Variants in IQCM observed in about 807,000 individuals in gnomAD.
IQCM encodes the protein IQ motif containing M, also known as IQ domain-containing protein M.
A neutral mutation model predicts 57.6 loss-of-function variants in IQCM; 45 were observed. The observed-to-expected ratio is 0.78, with a 90% CI of 0.62 to 1.00. The LOEUF (loss-of-function observed/expected upper bound fraction) is 1.00, where lower values mean the gene tolerates loss of function less well. IQCM is among the 50% of genes least tolerant of loss of function. The pLI, the probability that IQCM is intolerant of heterozygous loss-of-function variation, is 0.00. For synonymous variants in IQCM, 148 were observed against 158.9 expected, an observed-to-expected ratio of 0.93 and a Z score of 0.51; for missense variants, 468 against 511.6, an observed-to-expected ratio of 0.91 and a Z score of 0.82.
At chr4:149,758,909 A>G (rs1769240437) in intron 2 of IQCM, among the ~76,000 whole-genome samples, 1 of 152,144 alleles carries the variant, frequency 6.6e-6, no homozygotes, top group Non-Finnish European at 1.5e-5. Context: ...TTACAAAACT[A>G]AACATGCTTT....
intron 3 of IQCM, among the ~76,000 whole-genome samples, chr4:149,739,467 ATTTT>A (rs5862894): frequency 0.011 from 1,368 of 125,040 alleles, 10 homozygotes; most frequent in African/African-American, 0.046. Flanking sequence ...TGTTTATATA[ATTTT>A]TTTTTTTTTT....
At position 149,682,182 on chromosome 4, in the gene IQCM, A is replaced by C. The variant is rs1405468623; in HGVS notation, c.501T>G (p.Tyr167Ter). 1 of 1,224,172 alleles carries C rather than the reference A, an allele frequency of 8.2e-7. No homozygotes were observed. Among genetic ancestry groups the C allele is most frequent in the East Asian group, 3.2e-5 (1 of 31,568 alleles). 75.8% of individuals were successfully genotyped at this position (1,224,172 alleles called of 1,614,324 possible). Residue 167 changes from tyrosine (Y) to a stop codon, truncating the protein, a stop_gained, in exon 7 of 14, where the codon TAT becomes TAG. Transcript: ENST00000636793. LOFTEE classifies it high-confidence loss of function. ...ESRNRMLELL[Y>*]PFPVHLYLQP... ...GTAAGTAAAGATGGACAGGAAAGGG[A>C]TAGAGTAATTCCAACATTCTGTTTC...
chr4:149,713,859 T>A (rs1764767640), intron 5 of IQCM, among the ~76,000 whole-genome samples: 1 of 152,104 alleles, frequency 6.6e-6, no homozygotes. Flanking sequence ...TCACTTGTGA[T>A]TTTCCCTCTC....
chr4:149,649,065 C>A (rs941235561), intron 7 of IQCM, among the ~76,000 whole-genome samples: 7 of 152,092 alleles, frequency 4.6e-5, no homozygotes, highest in Non-Finnish European at 8.8e-5. Context: ...CCAAGCTAGG[C>A]TATGCATACA....
intron 2 of IQCM, among the ~76,000 whole-genome samples, chr4:149,752,183 GA>G (rs61362904): frequency 0.01 from 1,514 of 145,818 alleles, 16 homozygotes; most frequent in African/African-American, 0.034. Flanking sequence ...CATCTTTCTA[GA>G]AAAAAAAAAA....
intron 5 of IQCM, among the ~76,000 whole-genome samples, chr4:149,718,819 C>G: frequency 6.6e-6 from 1 of 152,104 alleles, no homozygotes; most frequent in East Asian, 1.9e-4. Flanking sequence ...CTGTAATCTC[C>G]CTTTGCCTCT....
chr4:149,591,468 A>G (rs62338947), intron 8 of IQCM, among the ~76,000 whole-genome samples: 2 of 151,612 alleles, frequency 1.3e-5, no homozygotes, highest in Admixed American at 1.3e-4. Context: ...TTTTTTTTTA[A>G]TACTTTAAGT....
chr4:149,610,659 C>T (rs1006121771), intron 8 of IQCM, among the ~76,000 whole-genome samples: 1 of 151,900 alleles, frequency 6.6e-6, no homozygotes, highest in Non-Finnish European at 1.5e-5. Flanking sequence ...GAAAACTGAA[C>T]ATCCATAGGC....
intron 5 of IQCM, among the ~76,000 whole-genome samples, chr4:149,723,983 G>A (rs911075103): frequency 4.6e-5 from 7 of 151,338 alleles, no homozygotes; most frequent in Non-Finnish European, 7.4e-5. Flanking sequence ...CTTGTTACTG[G>A]TCTGTTCAGG....
intron 13 of IQCM, among the ~76,000 whole-genome samples, chr4:149,373,094 G>T (rs1407779834): frequency 1.3e-5 from 2 of 152,136 alleles, no homozygotes; most frequent in African/African-American, 2.4e-5. Context: ...TATTGTGAAA[G>T]CAAATGAAGT....
At chr4:149,518,217 T>C (rs1310810536) in intron 12 of IQCM, among the ~76,000 whole-genome samples, 3 of 152,130 alleles carry the variant, frequency 2.0e-5, no homozygotes, top group African/African-American at 2.4e-5. Flanking sequence ...TAGGGAAGTA[T>C]ACTCCTACCA....
At chr4:149,573,711 G>A (rs1751376797) in intron 9 of IQCM, among the ~76,000 whole-genome samples, 1 of 150,618 alleles carries the variant, frequency 6.6e-6, no homozygotes, top group Admixed American at 6.7e-5. Context: ...TTAGACAGGA[G>A]AATTGCTTGA....
chr4:149,543,181 CAACTT>C (rs1748027132), intron 12 of IQCM, among the ~76,000 whole-genome samples: 2 of 151,800 alleles, frequency 1.3e-5, no homozygotes, highest in South Asian at 2.1e-4. Flanking sequence ...AAAATGAAAA[CAACTT>C]AAATGTATAA....
chr4:149,479,524 T>G (rs1450466474), intron 12 of IQCM, among the ~76,000 whole-genome samples: 2 of 152,240 alleles, frequency 1.3e-5, no homozygotes, highest in Non-Finnish European at 2.9e-5. Flanking sequence ...ATTATTTCCA[T>G]TTAAAGAAGA....
chr4:149,590,247 C>CTTTTTTTTTTTTTTTTTTTTTCT (rs1753008502), intron 8 of IQCM, among the ~76,000 whole-genome samples: 1 of 73,630 alleles, frequency 1.4e-5, no homozygotes, highest in Non-Finnish European at 2.6e-5. Flanking sequence ...TTTTTCTTTC[C>CTTTTTTTTTTTTTTTTTTTTTCT]TTTTTTTTTT....
chr4:149,598,765 C>CTATGG (rs1339774779), intron 8 of IQCM, among the ~76,000 whole-genome samples: 1 of 152,120 alleles, frequency 6.6e-6, no homozygotes, highest in Non-Finnish European at 1.5e-5. Flanking sequence ...GTATATGAAG[C>CTATGG]AATGGAGACT....
At chr4:149,496,836 AATCCCTTTATTC>A (rs1742708879) in intron 12 of IQCM, among the ~76,000 whole-genome samples, 1 of 152,178 alleles carries the variant, frequency 6.6e-6, no homozygotes. Context: ...AATATTCATT[AATCCCTTTATTC>A]ATCAAATACT....
At chr4:149,406,841 A>G (rs1429520916) in intron 13 of IQCM, among the ~76,000 whole-genome samples, 1 of 152,186 alleles carries the variant, frequency 6.6e-6, no homozygotes, top group East Asian at 1.9e-4. Context: ...TGATAAAGAC[A>G]TACCCAAGAC....
chr4:149,372,986 A>T (rs1221445637), intron 13 of IQCM, among the ~76,000 whole-genome samples: 4 of 152,164 alleles, frequency 2.6e-5, no homozygotes, highest in African/African-American at 9.6e-5. Context: ...TGTCTATAAG[A>T]CAGAATAAAC....
Sources: gnomAD v4.1 joint callset for allele counts (sites outside exome capture counted in the v4.1 genomes callset) on GRCh38, gnomAD v4.1.1 for gene constraint, MANE v1.5 for transcripts, NCBI Gene and HGNC (gene_info 2026-07-23, HGNC 2026-07-21) for gene names.